RIMBP2: variants seen among roughly 807,000 people sequenced by gnomAD.
RIMBP2 encodes the protein RIMS binding protein 2, also known as RIMS-binding protein 2.
Under a neutral mutation model 118.6 loss-of-function variants are expected in RIMBP2, and 48 were observed. The observed-to-expected ratio is 0.40, with a 90% CI of 0.32 to 0.51. The LOEUF (loss-of-function observed/expected upper bound fraction) is 0.51. Ranked by LOEUF, RIMBP2 falls within the 20% of genes least tolerant of loss-of-function variation. The pLI, the probability that RIMBP2 is intolerant of heterozygous loss-of-function variation, is 0.41. For missense variants in RIMBP2, 1,551 were observed against 1,768.3 expected (o/e 0.88, Z 2.20); for synonymous variants, 762 against 742.9 (o/e 1.03, Z -0.42).
At chr12:130,574,699 C>T (rs946477735) in intron 2 of RIMBP2, among the ~76,000 whole-genome samples, 2 of 152,088 alleles carry the variant, frequency 1.3e-5, no homozygotes, top group African/African-American at 4.8e-5. Flanking sequence ...TTCTCAAGGA[C>T]TCCAGAGAGG....
intron 2 of RIMBP2, among the ~76,000 whole-genome samples, chr12:130,542,258 G>A (rs1274755159): frequency 1.3e-5 from 2 of 152,232 alleles, no homozygotes; most frequent in Non-Finnish European, 2.9e-5. Flanking sequence ...AGGAAAGCAA[G>A]TGCTTGGGGT....
chr12:130,600,593 T>A (rs544703208), intron 2 of RIMBP2, among the ~76,000 whole-genome samples: 3 of 152,162 alleles, frequency 2.0e-5, no homozygotes, highest in Non-Finnish European at 2.9e-5. Flanking sequence ...GCTGGAAGGA[T>A]GTCAGCCCCA....
At chr12:130,711,813 T>C (rs1949935382) in intron 1 of RIMBP2, among the ~76,000 whole-genome samples, 1 of 152,204 alleles carries the variant, frequency 6.6e-6, no homozygotes. Flanking sequence ...AATGCCTCAT[T>C]AGGTGATTTC....
At chr12:130,564,589 T>C (rs139802183) in intron 2 of RIMBP2, among the ~76,000 whole-genome samples, 21 of 152,300 alleles carry the variant, frequency 1.4e-4, no homozygotes, top group Non-Finnish European at 2.4e-4. Context: ...GGAAGGGAAT[T>C]CTACCACTTG....
intron 1 of RIMBP2, among the ~76,000 whole-genome samples, chr12:130,648,820 C>T (rs529186971): frequency 6.9e-6 from 1 of 145,134 alleles, no homozygotes; most frequent in South Asian, 2.1e-4. Context: ...CCACGCCCAG[C>T]TAATTTTGTA....
At chr12:130,675,418 G>A (rs568968087) in intron 1 of RIMBP2, among the ~76,000 whole-genome samples, 25 of 152,168 alleles carry the variant, frequency 1.6e-4, no homozygotes, top group Middle Eastern at 6.8e-3. Flanking sequence ...TCCACCACCC[G>A]CCAGCCTGCT....
intron 1 of RIMBP2, among the ~76,000 whole-genome samples, chr12:130,639,688 G>A (rs187298293): frequency 3.3e-5 from 5 of 152,148 alleles, no homozygotes; most frequent in Non-Finnish European, 5.9e-5. Context: ...TGGGACTACC[G>A]TGTCCTCTGC....
intron 3 of RIMBP2, among the ~76,000 whole-genome samples, chr12:130,515,087 A>G (rs927369497): frequency 6.6e-6 from 1 of 152,134 alleles, no homozygotes; most frequent in Non-Finnish European, 1.5e-5. Flanking sequence ...CGTGTTAGCC[A>G]GGATGGTCTC....
In RIMBP2 at chr12:130,407,792, C is replaced by T. The variant is rs201204468; in HGVS notation, c.3627G>A (p.Ser1209=). Residue 1209 remains serine, a synonymous_variant, in exon 20 of 23, where the codon TCG becomes TCA. Transcript: ENST00000690449. ...SRRSGRRHSV[S]TRRMVALYDY... is the part of the protein sequence containing the mutation. ...CATACAGGGCCACCATTCTCCGCGT[C>T]GATACCGAATGACGCCTGCCACTTC... 9.5e-4 allele frequency: 1,532 copies of T among 1,614,028 alleles called. 21 individuals carry two copies. The South Asian group carries it at 0.012, about 12-fold the overall frequency.
chr12:130,632,016 A>C (rs1017411387), intron 1 of RIMBP2, among the ~76,000 whole-genome samples: 1 of 152,258 alleles, frequency 6.6e-6, no homozygotes, highest in Non-Finnish European at 1.5e-5. Flanking sequence ...AAACTACATG[A>C]AACAAATAGT....
rs1044666895 is a variant in RIMBP2, at chr12:130,469,738, G to A, written c.153+955C>T. On this transcript the variant is annotated intron_variant, in intron 6 of 22. Transcript: ENST00000690449. The surrounding 1 kb of genome is among the most constrained non-coding windows in gnomAD (Gnocchi z 4.8). ...TTTTAAGTGGCTGCTGCTCCCCCAG[G>A]GACACAGGACAAGGTCATTCTGAAG... Among the ~76,000 whole-genome samples the A allele has an allele frequency of 2.6e-5, 4 of 152,162 alleles. No homozygotes were observed. Among genetic ancestry groups the A allele is most frequent in the Non-Finnish European group, 2.9e-5 (2 of 68,034 alleles).
chr12:130,531,855 A>G (rs945150777), intron 2 of RIMBP2, among the ~76,000 whole-genome samples: 25 of 146,666 alleles, frequency 1.7e-4, no homozygotes, highest in Admixed American at 1.1e-3. Flanking sequence ...TGAGATGCGT[A>G]TGTTTAGCCT....
intron 1 of RIMBP2, among the ~76,000 whole-genome samples, chr12:130,649,318 G>A (rs926906501): frequency 1.8e-5 from 2 of 109,434 alleles, no homozygotes; most frequent in Non-Finnish European, 4.7e-5. Context: ...GCCGGAGGCC[G>A]CTCCGCTCCA....
Position 130,425,184 on chromosome 12 carries a change from C to T in RIMBP2, c.2413-326G>A, listed in dbSNP as rs553784656. Reference sequence around the variant, plus strand: ...TCAGGCCCCACAGTGCCCACGGTACCGCTGCTGTAGATGGTGGGTGTGGCC... The same window carrying T: ...TCAGGCCCCACAGTGCCCACGGTACTGCTGCTGTAGATGGTGGGTGTGGCC... On this transcript the variant is annotated intron_variant, in intron 15 of 22. Transcript: ENST00000690449. The T allele has an allele frequency of 2.6e-5, 6 of 234,436 alleles. No homozygotes were observed. The East Asian group carries it at 3.3e-4, about 13-fold the overall frequency. The allele number at this position is 234,436 out of a possible 1,614,324, so 14.5% of individuals were successfully genotyped here.
intron 2 of RIMBP2, among the ~76,000 whole-genome samples, chr12:130,614,113 TTA>T (rs1235070993): frequency 2.6e-5 from 4 of 152,202 alleles, no homozygotes; most frequent in Non-Finnish European, 4.4e-5. Flanking sequence ...GGCCTACACT[TTA>T]TGTTTCGGTA....
chr12:130,439,264 ATG>A (rs1200461217), intron 11 of RIMBP2, among the ~76,000 whole-genome samples: 2 of 149,308 alleles, frequency 1.3e-5, no homozygotes, highest in East Asian at 1.9e-4. Context: ...GTACATGTGT[ATG>A]TGTGTATGTA....
chr12:130,537,173 G>A (rs2139470210), intron 2 of RIMBP2, among the ~76,000 whole-genome samples: 1 of 152,278 alleles, frequency 6.6e-6, no homozygotes, highest in Non-Finnish European at 1.5e-5. Flanking sequence ...TTACACCCCA[G>A]CTCTTCCTAA....
At chr12:130,448,207 G>A (rs874619) in intron 9 of RIMBP2, among the ~76,000 whole-genome samples, 23,501 of 152,082 alleles carry the variant, frequency 0.15, 2,072 homozygotes, top group East Asian at 0.35. Context: ...CGTGGGCTGT[G>A]ACTGGTGATG....
chr12:130,406,790 G>A (rs2075221241), intron 20 of RIMBP2, among the ~76,000 whole-genome samples: 1 of 152,158 alleles, frequency 6.6e-6, no homozygotes, highest in Non-Finnish European at 1.5e-5. Context: ...GGGACTACAG[G>A]TGTGTGCCAC....
Sources: gnomAD v4.1 joint callset for allele counts (sites outside exome capture counted in the v4.1 genomes callset) on GRCh38, gnomAD v4.1.1 for gene constraint, Gnocchi (gnomAD v3.1) non-coding constraint, MANE v1.5 for transcripts, NCBI Gene and HGNC (gene_info 2026-07-23, HGNC 2026-07-21) for gene names.